Variants in DCLRE1C observed in about 807,000 individuals in gnomAD.
The protein encoded by DCLRE1C is protein artemis.
DCLRE1C carries 47 observed loss-of-function variants against 61.4 expected under a neutral mutation model. The ratio of observed to expected loss-of-function variants is 0.77; its 90% CI spans 0.61 to 0.98. DCLRE1C has a LOEUF of 0.98. DCLRE1C is among the 50% of genes least tolerant of loss of function. DCLRE1C has a pLI of 0.00. For missense variants in DCLRE1C, 858 were observed against 816.0 expected, an observed-to-expected ratio of 1.05 and a Z score of -0.63; for synonymous variants, 337 against 287.6, an observed-to-expected ratio of 1.17 and a Z score of -1.74.
chr10:14,936,940 T>C (rs574142551), intron 4 of DCLRE1C, among the ~76,000 whole-genome samples: 1 of 152,256 alleles, frequency 6.6e-6, no homozygotes, highest in South Asian at 2.1e-4. Flanking sequence ...ATCAGGAAAA[T>C]GTGGTCTAGC....
chr10:14,898,381 G>A lies in DCLRE1C; in HGVS notation c.*783C>T, dbSNP rs1448708983. On this transcript the variant is annotated 3_prime_UTR_variant, in exon 14 of 14. Transcript: ENST00000378289. ...CACACTGCTTCAAACTGAAGGGTAG[G>A]TTGAGCTGTGACTAGAAAGACACAA... The A allele has an allele frequency of 3.9e-5, 6 of 151,924 alleles. No individual in the cohort carries two copies. The South Asian group carries it at 6.3e-4, about 16-fold the overall frequency. 9.4% of individuals were successfully genotyped at this position (151,924 alleles called of 1,614,324 possible).
intron 13 of DCLRE1C, among the ~76,000 whole-genome samples, chr10:14,913,499 G>GAAAT (rs1017393949): frequency 3.3e-5 from 5 of 152,300 alleles, no homozygotes; most frequent in African/African-American, 1.2e-4. Flanking sequence ...AAGAGGAATG[G>GAAAT]AAATATACTG....
intron 11 of DCLRE1C, 61 bp from the exon 12 acceptor site, chr10:14,923,130 G>A: frequency 7.9e-7 from 1 of 1,271,748 alleles, no homozygotes; most frequent in Middle Eastern, 1.9e-4. Flanking sequence ...TGTTAGGGGA[G>A]ATAAAGGGAG....
At chr10:14,938,283 C>T (rs1449631146) in intron 4 of DCLRE1C, among the ~76,000 whole-genome samples, 15 of 152,202 alleles carry the variant, frequency 9.9e-5, no homozygotes, top group African/African-American at 2.9e-4. Context: ...CCACAGACCA[C>T]CACAGTATTC....
At chr10:14,943,399 A>G (rs1212301581) in intron 3 of DCLRE1C, among the ~76,000 whole-genome samples, 1 of 152,128 alleles carries the variant, frequency 6.6e-6, no homozygotes, top group African/African-American at 2.4e-5. Flanking sequence ...CTTCTAGTCT[A>G]CTTTCTGATA....
In DCLRE1C at chr10:14,907,382, C is replaced by A. The variant is rs1351087363; in HGVS notation, c.*1026G>T. Among the ~76,000 whole-genome samples the A allele has an allele frequency of 6.6e-6, 1 of 150,968 alleles. No individual in the cohort carries two copies. The highest frequency in any genetic ancestry group is 6.6e-5 in the Admixed American group (1 of 15,100). On this transcript the variant is annotated 3_prime_UTR_variant, in exon 14 of 14. Transcript: ENST00000378278. The stretch of plus-strand genomic sequence containing the variant: ...TGTTCCATGTGTACTTCAGGAGATA[C>A]ATTCTGCTAGTTTGGGGTGGTGTGT...
At position 14,906,005 on chromosome 10, in the gene DCLRE1C, A is replaced by C. The variant is rs1834362794; in HGVS notation, c.*2403T>G. Among the ~76,000 whole-genome samples the C allele has an allele frequency of 6.6e-6, 1 of 152,090 alleles. No individual in the cohort carries two copies. The highest frequency in any genetic ancestry group is 1.5e-5 in the Non-Finnish European group (1 of 68,026). ...TTGAAAAGTAAAAAACAAAAACTTC[A>C]TGTTTCCTCTTGTGGTTTATGATTC... is the stretch of plus-strand genomic sequence containing the variant. On this transcript the variant is annotated 3_prime_UTR_variant, in exon 14 of 14. Transcript: ENST00000378278.
At chr10:14,952,262 T>C (rs2131212261) in intron 1 of DCLRE1C, among the ~76,000 whole-genome samples, 1 of 152,276 alleles carries the variant, frequency 6.6e-6, no homozygotes, top group South Asian at 2.1e-4. Flanking sequence ...AGGCATATCC[T>C]CGTCCAGCAG....
chr10:14,953,732 T>G (rs1346192372), intron 1 of DCLRE1C, among the ~76,000 whole-genome samples, 170 bp downstream of exon 1: 1 of 151,824 alleles, frequency 6.6e-6, no homozygotes, highest in Non-Finnish European at 1.5e-5. Context: ...CATCCGAAAA[T>G]AGATGAAGCC....
chr10:14,925,704 C>CG (rs1162566967), intron 11 of DCLRE1C, among the ~76,000 whole-genome samples: 1 of 152,152 alleles, frequency 6.6e-6, no homozygotes, highest in African/African-American at 2.4e-5. Flanking sequence ...ACAGTCCTCC[C>CG]GTGCTTAGGA....
chr10:14,912,544 G>GATAA (rs370062060), intron 13 of DCLRE1C, among the ~76,000 whole-genome samples: 30 of 152,280 alleles, frequency 2.0e-4, no homozygotes, highest in African/African-American at 6.5e-4. Context: ...CTGGTGAGTG[G>GATAA]ATAAATAAAA....
rs568225934 is a variant in DCLRE1C, at chr10:14,946,356, T to C, written c.162-1167A>G. ...CGCTATCATTTTGAGGTTAGGAATA[T>C]AGTCTACGGTAGATTGTATTTTCCA... On this transcript the variant is annotated intron_variant, in intron 2 of 13. Transcript: ENST00000378278. Among the ~76,000 whole-genome samples the C allele has an allele frequency of 3.3e-5, 5 of 152,292 alleles. No homozygotes were observed. In the South Asian group the frequency reaches 1.0e-3, roughly 32 times the overall value.
intron 9 of DCLRE1C, among the ~76,000 whole-genome samples, chr10:14,928,422 C>G (rs1044796907): frequency 6.6e-6 from 1 of 152,112 alleles, no homozygotes; most frequent in Non-Finnish European, 1.5e-5. Flanking sequence ...AAAGGAGACC[C>G]TTTAGACCTG....
chr10:14,938,112 G>A (rs1198252638), intron 4 of DCLRE1C, among the ~76,000 whole-genome samples: 2 of 152,052 alleles, frequency 1.3e-5, no homozygotes, highest in Non-Finnish European at 2.9e-5. Context: ...TTTCGAGTGG[G>A]TCTCCCCCTG....
At chr10:14,897,957 TTA>T (rs1190854584) in exon 14 of DCLRE1C, 2 of 152,260 alleles carry the variant, frequency 1.3e-5, no homozygotes, top group Non-Finnish European at 2.9e-5. Flanking sequence ...GATACTATAT[TTA>T]TGAGTTTTGT....
In DCLRE1C at chr10:14,908,270, G is replaced by A; in HGVS notation, c.*138C>T. On this transcript the variant is annotated 3_prime_UTR_variant, in exon 14 of 14. Coordinates refer to ENST00000378278, the MANE Select transcript of DCLRE1C (RefSeq NM_001033855.3). ...AGCCATTGCCCACCTCAAAGTGCTG[G>A]GATTACAAGTGTGAGCCACCACACC... 4.2e-6 allele frequency: 3 copies of A among 708,744 alleles called. No homozygotes were observed. The highest frequency in any genetic ancestry group is 7.1e-6 in the Non-Finnish European group (3 of 419,702). The allele number at this position is 708,744 out of a possible 1,614,324, so 43.9% of individuals were successfully genotyped here.
intron 13 of DCLRE1C, among the ~76,000 whole-genome samples, chr10:14,918,629 T>TA (rs57588352): frequency 0.055 from 7,674 of 138,524 alleles, 237 homozygotes; most frequent in South Asian, 0.16. Flanking sequence ...AGCTGTTTTT[T>TA]AAAAAAAAAA....
Position 14,909,018 on chromosome 10 carries a change from T to C in DCLRE1C, c.1469A>G (p.Glu490Gly). The change falls in exon 14 of 14, where the codon GAA (glutamate) becomes GGA (glycine). Residue 490 changes from glutamate to glycine, a missense_variant. This residue lies in a region of DCLRE1C where 843 missense variants were observed against 783.5 expected (regional missense o/e 1.08). Coordinates refer to ENST00000378278, the MANE Select transcript of DCLRE1C (RefSeq NM_001033855.3). ...TTCATCATTTCTTTTAAAGAATACTTCCCACTGGGGTACATCCCCATCAGC... is the reference window on the plus strand; with the variant it reads ...TTCATCATTTCTTTTAAAGAATACTCCCCACTGGGGTACATCCCCATCAGC... ...QKADGDVPQWEVFFKRNDEIT... is the reference protein window; with the variant it reads ...QKADGDVPQWGVFFKRNDEIT... 6.2e-7 allele frequency: 1 copy of C among 1,614,070 alleles called. No individual in the cohort carries two copies. The highest frequency in any genetic ancestry group is 1.1e-5 in the South Asian group (1 of 91,074).
At position 14,939,819 on chromosome 10, in the gene DCLRE1C, T is replaced by G; in HGVS notation, c.297A>C (p.Ala99=). ...TTTAATATTTAGTTACCTCTCCTGA[T>G]GCTTCATCCACTAAAGATATCTGGG... ...TPTQISLVDE[A]SGEKEEIVVT... is the part of the protein sequence containing the mutation. Residue 99 remains alanine, a synonymous_variant, in exon 4 of 14, where the codon GCA becomes GCC. Coordinates refer to ENST00000378278, the MANE Select transcript of DCLRE1C (RefSeq NM_001033855.3). 6.3e-7 allele frequency: 1 copy of G among 1,592,974 alleles called. No homozygotes were observed. Among genetic ancestry groups the G allele is most frequent in the Non-Finnish European group, 8.6e-7 (1 of 1,162,040 alleles).
Sources: allele counts gnomAD v4.1 joint callset (sites outside exome capture counted in the v4.1 genomes callset), GRCh38; gene constraint gnomAD v4.1.1; regional missense constraint gnomAD v4.1.1; transcripts MANE v1.5; gene names NCBI Gene and HGNC (gene_info 2026-07-23, HGNC 2026-07-21).